USP7: variants seen among roughly 807,000 people sequenced by gnomAD.
The protein encoded by USP7 is ubiquitin C-terminal hydrolase 7.
USP7 carries 9 observed loss-of-function variants against 162.9 expected under a neutral mutation model. The observed-to-expected ratio is 0.06, with a 90% CI of 0.03 to 0.10. The LOEUF (loss-of-function observed/expected upper bound fraction) is 0.10. Ranked by LOEUF, USP7 falls within the 10% of genes least tolerant of loss-of-function variation. The probability of loss-of-function intolerance (pLI) is 1.00; values close to 1 mark genes in which losing one functional copy is unlikely to be tolerated. For synonymous variants in USP7, 562 were observed against 475.9 expected (o/e 1.18, Z -2.35); for missense variants, 715 against 1,373.7 (o/e 0.52, Z 7.58).
chr16:8,901,320 GA>G (rs60094465), intron 18 of USP7, 86 bp from the exon 19 acceptor site: 335,957 of 659,248 alleles, frequency 0.51, 65,138 homozygotes, highest in East Asian at 0.62. Flanking sequence ...ACAAAAAAAC[GA>G]AAAAAAAAAA....
chr16:8,913,569 T>C (rs1054805119), intron 10 of USP7, among the ~76,000 whole-genome samples: 2 of 151,980 alleles, frequency 1.3e-5, no homozygotes, highest in African/African-American at 4.8e-5. Context: ...CGAGTTAAAA[T>C]GTCTTTCACA....
intron 5 of USP7, among the ~76,000 whole-genome samples, chr16:8,919,858 C>T (rs1309926865): frequency 6.6e-6 from 1 of 152,120 alleles, no homozygotes; most frequent in African/African-American, 2.4e-5. Flanking sequence ...TTCACCAGCA[C>T]CTTGCCACTC....
At chr16:8,938,537 G>A (rs1402452311) in intron 1 of USP7, among the ~76,000 whole-genome samples, 5 of 151,626 alleles carry the variant, frequency 3.3e-5, no homozygotes, top group Non-Finnish European at 5.9e-5. Flanking sequence ...ACGGTGAAAC[G>A]CCGTCTCTAC....
At chr16:8,927,052 C>G (rs540121868) in intron 2 of USP7, among the ~76,000 whole-genome samples, 3 of 152,176 alleles carry the variant, frequency 2.0e-5, no homozygotes, top group Non-Finnish European at 4.4e-5. Context: ...CAGTGGCTCA[C>G]GCCTGTAATC....
chr16:8,908,657 C>A (rs2061897059), intron 11 of USP7, among the ~76,000 whole-genome samples: 1 of 152,160 alleles, frequency 6.6e-6, no homozygotes, highest in Non-Finnish European at 1.5e-5. Flanking sequence ...TAATGCTGCA[C>A]CAGCACTGAC....
At chr16:8,957,591 CA>C (rs111693286) in intron 1 of USP7, among the ~76,000 whole-genome samples, 11,871 of 131,956 alleles carry the variant, frequency 0.09, 485 homozygotes, top group Middle Eastern at 0.21. Context: ...ACTTAAAATT[CA>C]AAAAAAAAAA....
chr16:8,943,529 C>T (rs984707270), intron 1 of USP7, among the ~76,000 whole-genome samples: 1 of 151,922 alleles, frequency 6.6e-6, no homozygotes, highest in East Asian at 1.9e-4. Flanking sequence ...TGCAGGGCCC[C>T]AATGCCATGA....
chr16:8,961,415 C>A (rs1596423546), intron 1 of USP7, among the ~76,000 whole-genome samples: 1 of 148,228 alleles, frequency 6.7e-6, no homozygotes, highest in African/African-American at 2.5e-5. Context: ...TCGCTTGAAC[C>A]CGGGAGACGG....
chr16:8,901,311 CA>C (rs1178554072), intron 18 of USP7, 77 bp from the exon 19 acceptor site: 1 of 856,884 alleles, frequency 1.2e-6, no homozygotes, highest in Non-Finnish European at 1.7e-6. Context: ...AACAAACAAA[CA>C]AAAAAACGAA....
chr16:8,923,736 G>A (rs1897837091), intron 2 of USP7, among the ~76,000 whole-genome samples: 1 of 152,086 alleles, frequency 6.6e-6, no homozygotes, highest in East Asian at 1.9e-4. Context: ...AGTGAGTGGA[G>A]AGACCTTGGA....
At chr16:8,894,939 C>T (rs1376968789) in intron 28 of USP7, 84 bp from the exon 29 acceptor site, 1 of 1,613,464 alleles carries the variant, frequency 6.2e-7, no homozygotes, top group Non-Finnish European at 8.5e-7. Context: ...AAACCAACGC[C>T]TAACCCCAGC....
At position 8,897,698 on chromosome 16, in the gene USP7, CAAAAAA is replaced by C. The variant is rs55635828; in HGVS notation, c.2719-605_2719-600del. On this transcript the variant is annotated intron_variant, in intron 25 of 30. Transcript: ENST00000344836. ...GCAATATAGTGAGACCCTGTCTCTA[CAAAAAA>C]AAAAAAAAAAAAAAAAAAAAAAATA... Among the ~76,000 whole-genome samples the C allele has an allele frequency of 9.0e-4, 32 of 35,602 alleles. 3 individuals are homozygous for C. The highest frequency in any genetic ancestry group is 3.4e-3 in the South Asian group (2 of 582). 23.4% of individuals were successfully genotyped at this position (35,602 alleles called of 152,430 possible). A position where few individuals can be genotyped will look rare whatever the true frequency, so the allele number is the denominator to read the frequency against.
intron 1 of USP7, among the ~76,000 whole-genome samples, chr16:8,938,831 G>C (rs759095315): frequency 2.6e-5 from 4 of 152,072 alleles, no homozygotes; most frequent in African/African-American, 4.8e-5. Flanking sequence ...CACTGTATTA[G>C]ATATTATAAG....
chr16:8,903,600 C>T (rs961012703), intron 15 of USP7, among the ~76,000 whole-genome samples, 198 bp from the exon 16 acceptor site: 4 of 152,110 alleles, frequency 2.6e-5, no homozygotes, highest in Non-Finnish European at 5.9e-5. Flanking sequence ...AGGCTGTGGG[C>T]AGGGCACGGT....
At chr16:8,933,596 C>T (rs1346286121) in intron 1 of USP7, among the ~76,000 whole-genome samples, 1 of 152,130 alleles carries the variant, frequency 6.6e-6, no homozygotes, top group Non-Finnish European at 1.5e-5. Context: ...TATGCACACA[C>T]TCACACTATG....
chr16:8,900,213 C>T (rs1335259074), intron 21 of USP7: 4 of 326,816 alleles, frequency 1.2e-5, no homozygotes, highest in African/African-American at 2.2e-5. Context: ...AATGAATTAC[C>T]CAAGTAGGTA....
At chr16:8,899,890 A>AG in intron 21 of USP7, 133 bp from the exon 22 acceptor site, 4 of 1,099,476 alleles carry the variant, frequency 3.6e-6, no homozygotes, top group Non-Finnish European at 5.4e-6. Context: ...TTCCCCTTTG[A>AG]GGGGGCCAGG....
At chr16:8,948,981 T>A (rs1159253182) in intron 1 of USP7, among the ~76,000 whole-genome samples, 1 of 152,076 alleles carries the variant, frequency 6.6e-6, no homozygotes, top group African/African-American at 2.4e-5. Flanking sequence ...AAAAAAAGCT[T>A]ACACAGTCTA....
At position 8,897,726 on chromosome 16, in the gene USP7, A is replaced by AAAAAAAAATATAT. The variant is rs1555461671; in HGVS notation, c.2719-628_2719-627insATATATTTTTTTT. 1.3e-3 allele frequency among the ~76,000 whole-genome samples: 9 copies of AAAAAAAAATATAT among 7,134 alleles called. 1 individual carries two copies. The highest frequency in any genetic ancestry group is 3.2e-3 in the Admixed American group (1 of 316). The allele number at this position is 7,134 out of a possible 152,430, so 4.7% of individuals were successfully genotyped here. A position where few individuals can be genotyped will look rare whatever the true frequency, so the allele number is the denominator to read the frequency against. On this transcript the variant is annotated intron_variant, in intron 25 of 30. Coordinates refer to ENST00000344836, the MANE Select transcript of USP7 (RefSeq NM_003470.3). ...AAAAAAAAAAAAAAAAAAAAAAAAA[A>AAAAAAAAATATAT]ATATATATATATATATATATAAATG... is the stretch of plus-strand genomic sequence containing the variant.
Sources: gnomAD v4.1 joint callset for allele counts (sites outside exome capture counted in the v4.1 genomes callset) on GRCh38, gnomAD v4.1.1 for gene constraint, MANE v1.5 for transcripts, NCBI Gene and HGNC (gene_info 2026-07-23, HGNC 2026-07-21) for gene names.